ZNF512: variants seen among roughly 807,000 people sequenced by gnomAD.
ZNF512 encodes the protein zinc finger protein 512.
In ZNF512, 25 loss-of-function variants were observed where a neutral mutation model predicts 77.5. The ratio of observed to expected loss-of-function variants is 0.32; its 90% CI spans 0.23 to 0.45. The LOEUF (loss-of-function observed/expected upper bound fraction) is 0.45, where lower values mean the gene tolerates loss of function less well. Among genes scored for constraint, ZNF512 ranks in the 20% least tolerant of loss-of-function variants. The probability of loss-of-function intolerance (pLI) is 1.00; values close to 1 mark genes in which losing one functional copy is unlikely to be tolerated. For missense variants in ZNF512, 483 were observed against 692.6 expected, an observed-to-expected ratio of 0.70 and a Z score of 3.40; for synonymous variants, 246 against 239.9, an observed-to-expected ratio of 1.03 and a Z score of -0.24.
intron 7 of ZNF512, among the ~76,000 whole-genome samples, chr2:27,602,234 A>G (rs896031518): frequency 6.6e-6 from 1 of 152,238 alleles, no homozygotes; most frequent in Admixed American, 6.5e-5. Flanking sequence ...TGTTTAGGTT[A>G]GCTCCAAAGG....
At chr2:27,608,396 C>G (rs112283149) in intron 10 of ZNF512, among the ~76,000 whole-genome samples, 6 of 152,176 alleles carry the variant, frequency 3.9e-5, no homozygotes, top group African/African-American at 1.4e-4. Flanking sequence ...AACAGAACTC[C>G]TCTCCCCCGC....
chr2:27,600,488 C>A (rs768057792), intron 5 of ZNF512, among the ~76,000 whole-genome samples: 1 of 152,044 alleles, frequency 6.6e-6, no homozygotes, highest in African/African-American at 2.4e-5. Flanking sequence ...TTTATCATGG[C>A]GAAATGAGTA....
Position 27,583,142 on chromosome 2 carries a change from C to T in ZNF512, c.30C>T (p.Ala10=), listed in dbSNP as rs556585516. The T allele has an allele frequency of 3.6e-4, 586 of 1,614,162 alleles. 5 individuals carry two copies. The South Asian group carries it at 6.2e-3, about 17-fold the overall frequency. Residue 10 remains alanine, a splice_region_variant and synonymous_variant, in exon 1 of 14, where the codon GCC becomes GCT. Coordinates refer to ENST00000355467, the MANE Select transcript of ZNF512 (RefSeq NM_032434.4). ...CTTCCAGACTCGGTGCTGTACCCGC[C>T]GTGAGTTTCTTGGTTTGACCGTTAT... MSSRLGAVP[A]TSGPTTFKQQ... is the part of the protein sequence containing the mutation.
rs1297656771 is a variant in ZNF512 at position 27,600,734 on chromosome 2, C to A, written c.501C>A (p.Gly167=). Residue 167 remains glycine (G), a synonymous_variant, in exon 6 of 14, where the codon GGC becomes GGA. Transcript: ENST00000355467. ...EQWYLEIVDK[G]SVSCPTCQAV... Reference sequence around the variant, plus strand: ...GGTACTTAGAAATCGTTGATAAAGGCAGTGTCTCCTGCCCTACCTGCCAGG... The same window carrying A: ...GGTACTTAGAAATCGTTGATAAAGGAAGTGTCTCCTGCCCTACCTGCCAGG... 2 of 1,614,018 alleles carry A rather than the reference C, an allele frequency of 1.2e-6. No individual in the cohort carries two copies. The highest frequency in any genetic ancestry group is 4.5e-5 in the East Asian group (2 of 44,884).
chr2:27,610,583 T>TCA lies in ZNF512; in HGVS notation c.1131+2544_1131+2545insCA, dbSNP rs1485007296. On this transcript the variant is annotated intron_variant, in intron 10 of 13. Transcript: ENST00000355467. ...ATATATATATATTTTTTTTTTTTTT[T>TCA]TTTTTTTTTTTTTTTTTGAGACAGC... is the stretch of plus-strand genomic sequence containing the variant. Among the ~76,000 whole-genome samples the TCA allele has an allele frequency of 4.5e-5, 3 of 67,236 alleles. 1 individual carries two copies. The highest frequency in any genetic ancestry group is 8.5e-5 in the Non-Finnish European group (3 of 35,120). 44.1% of individuals were successfully genotyped at this position (67,236 alleles called of 152,430 possible). A position where few individuals can be genotyped will look rare whatever the true frequency, so the allele number is the denominator to read the frequency against.
chr2:27,602,318 G>T, intron 7 of ZNF512, 145 bp from the exon 8 acceptor site: 1 of 654,972 alleles, frequency 1.5e-6, no homozygotes, highest in Admixed American at 3.0e-5. Context: ...GGAGAAGATG[G>T]AGAACACCAG....
At chr2:27,590,733 A>G (rs1356062986) in intron 2 of ZNF512, among the ~76,000 whole-genome samples, 1 of 151,824 alleles carries the variant, frequency 6.6e-6, no homozygotes, top group Non-Finnish European at 1.5e-5. Flanking sequence ...TGGCACATTC[A>G]TTGCTTGCTG....
chr2:27,589,048 C>T (rs1489303903), intron 2 of ZNF512, among the ~76,000 whole-genome samples: 2 of 152,080 alleles, frequency 1.3e-5, no homozygotes, highest in Non-Finnish European at 2.9e-5. Flanking sequence ...ATTCAGTTGA[C>T]TTTGTATGTT....
chr2:27,609,250 T>A (rs1253442125), intron 10 of ZNF512, among the ~76,000 whole-genome samples: 3 of 152,214 alleles, frequency 2.0e-5, no homozygotes, highest in African/African-American at 7.2e-5. Flanking sequence ...GGAGTTGGAT[T>A]GTATTTTTGA....
At chr2:27,620,195 T>C (rs765137898) in intron 13 of ZNF512, among the ~76,000 whole-genome samples, 5 of 152,222 alleles carry the variant, frequency 3.3e-5, no homozygotes, top group Non-Finnish European at 4.4e-5. Context: ...CAATAAATTA[T>C]TGAGATATTT....
At chr2:27,598,952 C>T (rs957269568) in intron 3 of ZNF512, among the ~76,000 whole-genome samples, 2 of 152,142 alleles carry the variant, frequency 1.3e-5, no homozygotes, top group Admixed American at 6.5e-5. Flanking sequence ...CCTGCCTCAG[C>T]TTGTAATGCC....
chr2:27,591,023 A>C (rs1379793364), intron 2 of ZNF512, among the ~76,000 whole-genome samples: 1 of 152,032 alleles, frequency 6.6e-6, no homozygotes, highest in Admixed American at 6.6e-5. Flanking sequence ...AATTTTAAAG[A>C]TATTTCTTTT....
intron 10 of ZNF512, among the ~76,000 whole-genome samples, chr2:27,610,582 T>TATATATATATATATACA (rs1558474959): frequency 1.9e-5 from 1 of 52,880 alleles, no homozygotes; most frequent in African/African-American, 9.0e-5. Context: ...TTTTTTTTTT[T>TATATATATATATATACA]TTTTTTTTTT....
At chr2:27,591,098 G>A (rs1671554092) in intron 2 of ZNF512, among the ~76,000 whole-genome samples, 1 of 152,146 alleles carries the variant, frequency 6.6e-6, no homozygotes, top group Admixed American at 6.5e-5. Flanking sequence ...GCGCAGTGGT[G>A]CGGTCATAGC....
chr2:27,607,390 A>C (rs1429890711), intron 9 of ZNF512, among the ~76,000 whole-genome samples: 1 of 150,208 alleles, frequency 6.7e-6, no homozygotes. Context: ...TTTTTGAGAC[A>C]GAGTTTCACT....
chr2:27,605,543 T>G (rs1467612754), intron 9 of ZNF512, among the ~76,000 whole-genome samples: 6 of 152,026 alleles, frequency 3.9e-5, no homozygotes, highest in African/African-American at 1.4e-4. Flanking sequence ...TGGCGCCACC[T>G]TGGCTCACTG....
chr2:27,612,899 A>G (rs377230253), intron 10 of ZNF512, among the ~76,000 whole-genome samples: 10 of 152,162 alleles, frequency 6.6e-5, no homozygotes, highest in African/African-American at 2.4e-4. Flanking sequence ...GGTTTCCCCT[A>G]CATCCTATTT....
At chr2:27,603,573 A>AGTGTGTGTGTGTGTGTATGTGTGT (rs11273312) in intron 9 of ZNF512, among the ~76,000 whole-genome samples, 2 of 133,176 alleles carry the variant, frequency 1.5e-5, no homozygotes, top group African/African-American at 6.2e-5. Flanking sequence ...ATTTTTATAT[A>AGTGTGTGTGTGTGTGTATGTGTGT]GTGTGTGTGT....
chr2:27,590,795 G>A (rs1279809483), intron 2 of ZNF512, among the ~76,000 whole-genome samples: 1 of 151,988 alleles, frequency 6.6e-6, no homozygotes, highest in African/African-American at 2.4e-5. Flanking sequence ...GATTACAGAG[G>A]TGTGAGCCAT....
Sources: allele counts gnomAD v4.1 joint callset (sites outside exome capture counted in the v4.1 genomes callset), GRCh38; gene constraint gnomAD v4.1.1; transcripts MANE v1.5; gene names NCBI Gene and HGNC (gene_info 2026-07-23, HGNC 2026-07-21).